Variants in SDHC observed in about 807,000 individuals in gnomAD.
SDHC encodes succinate dehydrogenase complex subunit C.
In SDHC, 11 loss-of-function variants were observed where a neutral mutation model predicts 22.6. That is an observed-to-expected ratio of 0.49 (90% CI 0.31 to 0.81). The LOEUF (loss-of-function observed/expected upper bound fraction) is 0.81. Among genes scored for constraint, SDHC ranks in the 30% least tolerant of loss-of-function variants. The probability of loss-of-function intolerance (pLI) is 0.05; values close to 1 mark genes in which losing one functional copy is unlikely to be tolerated. For missense variants in SDHC, 160 were observed against 212.0 expected (o/e 0.75, Z 1.52); for synonymous variants, 80 against 77.8 (o/e 1.03, Z -0.15).
chr1:161,326,026 A>T (rs1477294455), intron 2 of SDHC, among the ~76,000 whole-genome samples: 1 of 151,872 alleles, frequency 6.6e-6, no homozygotes, highest in African/African-American at 2.4e-5. Flanking sequence ...ACGTACTGAA[A>T]CCCCATCTTG....
At chr1:161,349,406 A>G (rs1672027233) in intron 4 of SDHC, among the ~76,000 whole-genome samples, 1 of 152,228 alleles carries the variant, frequency 6.6e-6, no homozygotes, top group Non-Finnish European at 1.5e-5. Flanking sequence ...CAGAGGTTGC[A>G]GTGAGCCGAG....
At chr1:161,334,636 G>A (rs1246564735) in intron 3 of SDHC, among the ~76,000 whole-genome samples, 2 of 152,036 alleles carry the variant, frequency 1.3e-5, no homozygotes, top group African/African-American at 4.8e-5. Context: ...ATGGAGTTTG[G>A]CCATGTTGCT....
intron 1 of SDHC, among the ~76,000 whole-genome samples, chr1:161,320,375 A>T (rs1670796471): frequency 6.6e-6 from 1 of 152,198 alleles, no homozygotes; most frequent in African/African-American, 2.4e-5. Flanking sequence ...GCTGTTACCT[A>T]GACATTTATG....
At chr1:161,349,454 C>A (rs1218695367) in intron 4 of SDHC, among the ~76,000 whole-genome samples, 2 of 151,996 alleles carry the variant, frequency 1.3e-5, no homozygotes, top group African/African-American at 4.8e-5. Flanking sequence ...GACAGCGAGA[C>A]TTTATCTCAA....
Position 161,321,547 on chromosome 1 carries a change from T to G in SDHC, c.21-2067T>G, listed in dbSNP as rs190565566. 6.6e-5 allele frequency among the ~76,000 whole-genome samples: 10 copies of G among 152,270 alleles called. No individual in the cohort carries two copies. In the East Asian group the frequency reaches 1.9e-3, roughly 29 times the overall value. Reference sequence around the variant, plus strand: ...TGTGAGGAATGCGTGCCCTGCAACTTCAGAGTCACAATTCAATTGATTAAA... The same window carrying G: ...TGTGAGGAATGCGTGCCCTGCAACTGCAGAGTCACAATTCAATTGATTAAA... On this transcript the variant is annotated intron_variant, in intron 1 of 5. Transcript: ENST00000367975.
At chr1:161,327,069 C>T (rs1431697680) in intron 2 of SDHC, among the ~76,000 whole-genome samples, 1 of 152,140 alleles carries the variant, frequency 6.6e-6, no homozygotes, top group Non-Finnish European at 1.5e-5. Context: ...GGACTGCAAG[C>T]TCGGACCATC....
At chr1:161,359,572 A>G (rs190586254) in intron 5 of SDHC, among the ~76,000 whole-genome samples, 1 of 152,154 alleles carries the variant, frequency 6.6e-6, no homozygotes, top group Non-Finnish European at 1.5e-5. Context: ...TCTTTGTCTC[A>G]ATATGGGGGT....
intron 4 of SDHC, among the ~76,000 whole-genome samples, chr1:161,342,028 T>A (rs1223743879): frequency 6.6e-6 from 1 of 152,188 alleles, no homozygotes; most frequent in Non-Finnish European, 1.5e-5. Flanking sequence ...ATAATCATAT[T>A]TTTTGGCTCT....
chr1:161,320,208 G>A (rs1670790560), intron 1 of SDHC, among the ~76,000 whole-genome samples: 1 of 151,896 alleles, frequency 6.6e-6, no homozygotes, highest in Admixed American at 6.6e-5. Flanking sequence ...ATAGGATTGG[G>A]TGATGCCATC....
rs1287255950 is a variant in SDHC at position 161,349,346 on chromosome 1, C to T, written c.242-7331C>T. ...GGGTGTAGGTGGCACATTCCTGTAA[C>T]GTGGGCTACTTGGGAGACTGAAGCA... On this transcript the variant is annotated intron_variant, in intron 4 of 5. Transcript: ENST00000367975. Among the ~76,000 whole-genome samples, 7 of 151,878 alleles carry T rather than the reference C, an allele frequency of 4.6e-5. No individual in the cohort carries two copies. The East Asian group carries it at 7.7e-4, about 17-fold the overall frequency.
At chr1:161,317,115 T>C (rs1670646019) in intron 1 of SDHC, among the ~76,000 whole-genome samples, 1 of 149,842 alleles carries the variant, frequency 6.7e-6, no homozygotes. Flanking sequence ...CCTGCCCGGG[T>C]TCAAGCATTT....
intron 5 of SDHC, among the ~76,000 whole-genome samples, chr1:161,359,499 A>G (rs565607457): frequency 3.3e-4 from 51 of 152,336 alleles, no homozygotes; most frequent in African/African-American, 1.2e-3. Context: ...TCTGTAAAGA[A>G]AATCAGCTGA....
At chr1:161,336,300 C>G (rs1671477454) in intron 3 of SDHC, among the ~76,000 whole-genome samples, 1 of 151,940 alleles carries the variant, frequency 6.6e-6, no homozygotes, top group African/African-American at 2.4e-5. Context: ...ACTAAAAATA[C>G]AAAAATTAGC....
chr1:161,331,194 G>A (rs1671259130), intron 3 of SDHC, among the ~76,000 whole-genome samples: 1 of 151,934 alleles, frequency 6.6e-6, no homozygotes, highest in African/African-American at 2.4e-5. Context: ...TAAATATTCT[G>A]CCCTTTCAAT....
At chr1:161,343,978 G>C (rs1169745181) in intron 4 of SDHC, among the ~76,000 whole-genome samples, 1 of 152,066 alleles carries the variant, frequency 6.6e-6, no homozygotes, top group Non-Finnish European at 1.5e-5. Flanking sequence ...TTGGGAGGCC[G>C]AGGCAGGAGG....
intron 1 of SDHC, among the ~76,000 whole-genome samples, chr1:161,318,526 T>C (rs1670711645): frequency 6.6e-6 from 1 of 152,318 alleles, no homozygotes; most frequent in Non-Finnish European, 1.5e-5. Flanking sequence ...ATAATGTTCA[T>C]GCTCCTTAAA....
intron 4 of SDHC, among the ~76,000 whole-genome samples, chr1:161,344,206 C>T (rs1393389263): frequency 2.0e-5 from 3 of 152,252 alleles, no homozygotes; most frequent in South Asian, 2.1e-4. Context: ...AGGAGAATGG[C>T]GTGAACCTGG....
At chr1:161,353,902 TTTTG>T (rs1360545056) in intron 4 of SDHC, among the ~76,000 whole-genome samples, 4 of 152,204 alleles carry the variant, frequency 2.6e-5, no homozygotes, top group Non-Finnish European at 4.4e-5. Context: ...AATCATACTT[TTTTG>T]TTTGTTTGTT....
intron 3 of SDHC, among the ~76,000 whole-genome samples, chr1:161,338,904 A>G (rs1671595831): frequency 6.6e-6 from 1 of 152,090 alleles, no homozygotes; most frequent in African/African-American, 2.4e-5. Context: ...ACTGGAGTGC[A>G]GTGGCGTGAT....
Sources: allele counts gnomAD v4.1 joint callset (sites outside exome capture counted in the v4.1 genomes callset), GRCh38; gene constraint gnomAD v4.1.1; transcripts MANE v1.5; gene names NCBI Gene and HGNC (gene_info 2026-07-23, HGNC 2026-07-21).